SUSD4: variants seen among roughly 807,000 people sequenced by gnomAD.
SUSD4 encodes the protein sushi domain containing 4.
Under a neutral mutation model 50.5 loss-of-function variants are expected in SUSD4, and 41 were observed. The ratio of observed to expected loss-of-function variants is 0.81; its 90% confidence interval spans 0.63 to 1.05. SUSD4 has a LOEUF of 1.05. Among genes scored for constraint, SUSD4 ranks in the 50% least tolerant of loss-of-function variants. The probability of loss-of-function intolerance (pLI) is 0.00; values close to 1 mark genes in which losing one functional copy is unlikely to be tolerated. For synonymous variants in SUSD4, 257 were observed against 257.3 expected (o/e 1.00, Z 0.01); for missense variants, 580 against 634.7 (o/e 0.91, Z 0.93).
At chr1:223,311,812 A>C (rs1016214424) in intron 2 of SUSD4, among the ~76,000 whole-genome samples, 1 of 152,182 alleles carries the variant, frequency 6.6e-6, no homozygotes, top group African/African-American at 2.4e-5. Flanking sequence ...ACAAAACAAA[A>C]CAGAAAAATC....
At chr1:223,236,399 G>A (rs1023319092) in intron 5 of SUSD4, among the ~76,000 whole-genome samples, 3 of 152,072 alleles carry the variant, frequency 2.0e-5, no homozygotes, top group Non-Finnish European at 4.4e-5. Flanking sequence ...CATGCCACTG[G>A]TGTATCTAAA....
intron 3 of SUSD4, among the ~76,000 whole-genome samples, chr1:223,273,131 T>C (rs1663027596): frequency 6.6e-6 from 1 of 152,170 alleles, no homozygotes; most frequent in Non-Finnish European, 1.5e-5. Flanking sequence ...AAGAACATGT[T>C]AGGCAGTGGC....
intron 5 of SUSD4, among the ~76,000 whole-genome samples, chr1:223,243,693 C>T (rs939250879): frequency 1.3e-4 from 20 of 152,210 alleles, no homozygotes; most frequent in African/African-American, 4.8e-4. Context: ...AGGCCCCCAT[C>T]GGCACTGTCT....
At chr1:223,315,275 T>C (rs1385647794) in intron 2 of SUSD4, among the ~76,000 whole-genome samples, 1 of 152,256 alleles carries the variant, frequency 6.6e-6, no homozygotes, top group Non-Finnish European at 1.5e-5. Flanking sequence ...CGTTAGAAGG[T>C]TGAATTCTGC....
chr1:223,341,254 G>A (rs1667739788), intron 2 of SUSD4, among the ~76,000 whole-genome samples: 1 of 152,194 alleles, frequency 6.6e-6, no homozygotes, highest in African/African-American at 2.4e-5. Flanking sequence ...CCAGATGCCT[G>A]TCTGGGTACT....
intron 2 of SUSD4, among the ~76,000 whole-genome samples, chr1:223,321,602 T>C (rs1666577153): frequency 1.3e-5 from 2 of 152,340 alleles, no homozygotes; most frequent in Admixed American, 1.3e-4. Flanking sequence ...TTTCTATCAC[T>C]AGCGTAGAAC....
intron 2 of SUSD4, among the ~76,000 whole-genome samples, chr1:223,308,881 C>A (rs1433401292): frequency 6.6e-6 from 1 of 152,082 alleles, no homozygotes; most frequent in African/African-American, 2.4e-5. Context: ...GTACTTCAGA[C>A]CACTACCAAA....
At chr1:223,291,830 A>T (rs1269089621) in intron 3 of SUSD4, among the ~76,000 whole-genome samples, 2 of 152,226 alleles carry the variant, frequency 1.3e-5, no homozygotes, top group Non-Finnish European at 2.9e-5. Context: ...ACATAAAGTA[A>T]AAACAAAAAA....
At chr1:223,342,124 G>C (rs1459728607) in intron 2 of SUSD4, among the ~76,000 whole-genome samples, 1 of 152,104 alleles carries the variant, frequency 6.6e-6, no homozygotes, top group African/African-American at 2.4e-5. Flanking sequence ...TGAAACCAGG[G>C]CTAGGAGGAC....
At chr1:223,224,566 G>A (rs185164460) in intron 7 of SUSD4, among the ~76,000 whole-genome samples, 111 of 152,246 alleles carry the variant, frequency 7.3e-4, no homozygotes, top group African/African-American at 2.6e-3. Context: ...CAGGCTCACC[G>A]CCACCTCCTG....
intron 2 of SUSD4, among the ~76,000 whole-genome samples, chr1:223,355,083 T>C (rs1402529849): frequency 1.3e-5 from 2 of 152,002 alleles, no homozygotes. Flanking sequence ...CAGCTAATTT[T>C]TTTTTTTTTC....
intron 2 of SUSD4, among the ~76,000 whole-genome samples, chr1:223,331,929 A>T (rs1033061107): frequency 1.3e-5 from 2 of 152,194 alleles, no homozygotes; most frequent in African/African-American, 4.8e-5. Context: ...CAAAACTTTA[A>T]TCCTAAAGGG....
chr1:223,352,728 C>T (rs1412851181), intron 2 of SUSD4, among the ~76,000 whole-genome samples: 2 of 152,282 alleles, frequency 1.3e-5, no homozygotes, highest in East Asian at 3.9e-4. Flanking sequence ...TTAGAGATAG[C>T]AGGCAGCTGG....
intron 3 of SUSD4, among the ~76,000 whole-genome samples, chr1:223,283,374 C>G (rs7518292): frequency 0.28 from 42,650 of 151,928 alleles, 7,424 homozygotes; most frequent in Non-Finnish European, 0.4. Context: ...ATAAATGAAA[C>G]AAATTTACAA....
chr1:223,273,951 C>T (rs554987446), intron 3 of SUSD4, among the ~76,000 whole-genome samples: 2 of 152,242 alleles, frequency 1.3e-5, no homozygotes, highest in East Asian at 3.9e-4. Context: ...TTCCTGAGTT[C>T]TGTGAGTCTG....
At chr1:223,235,219 T>G (rs1660139757) in intron 5 of SUSD4, 1 of 1,098,680 alleles carries the variant, frequency 9.1e-7, no homozygotes, top group African/African-American at 1.6e-5. Flanking sequence ...AAGAGCAGTT[T>G]TAGGTTCACA....
Position 223,223,643 on chromosome 1 carries a change from A to C in SUSD4, c.1062-12T>G. The C allele has an allele frequency of 1.3e-6, 2 of 1,587,768 alleles. No homozygotes were observed. Among genetic ancestry groups the C allele is most frequent in the Non-Finnish European group, 1.7e-6 (2 of 1,165,080 alleles). On this transcript the variant is annotated splice_polypyrimidine_tract_variant and intron_variant, in intron 7 of 8. Transcript: ENST00000366878. ...TCCGGGGAGGCCCCCTGTGTAAAGG[A>C]AAGAAGTGCCAACATGTGAGAGCCA...
At chr1:223,242,188 C>T (rs1660629718) in intron 5 of SUSD4, among the ~76,000 whole-genome samples, 1 of 152,150 alleles carries the variant, frequency 6.6e-6, no homozygotes. Context: ...AGAGATCCAC[C>T]CACCTTGGCC....
intron 1 of SUSD4, 107 bp from the exon 2 acceptor site, chr1:223,363,567 T>C: frequency 7.9e-7 from 1 of 1,260,808 alleles, no homozygotes; most frequent in Non-Finnish European, 1.1e-6. Context: ...CCAGGCTCCA[T>C]CCTGGTTCCT....
Sources: allele counts gnomAD v4.1 joint callset (sites outside exome capture counted in the v4.1 genomes callset), GRCh38; gene constraint gnomAD v4.1.1; transcripts MANE v1.5; gene names NCBI Gene and HGNC (gene_info 2026-07-23, HGNC 2026-07-21).